Variants in EXTL3 observed in about 807,000 individuals in gnomAD.
EXTL3 encodes exostosin like glycosyltransferase 3.
EXTL3 carries 27 observed loss-of-function variants against 69.3 expected under a neutral mutation model. That is an observed-to-expected ratio of 0.39 (90% CI 0.29 to 0.54). The LOEUF is 0.54. Ranked by LOEUF, EXTL3 falls within the 20% of genes least tolerant of loss-of-function variation. The pLI, the probability that EXTL3 is intolerant of heterozygous loss-of-function variation, is 0.69. For missense variants in EXTL3, 1,003 were observed against 1,231.8 expected (o/e 0.81, Z 2.78); for synonymous variants, 511 against 499.4 (o/e 1.02, Z -0.31).
At chr8:28,672,930 TAG>T (rs1235243106) in intron 1 of EXTL3, among the ~76,000 whole-genome samples, 1 of 152,160 alleles carries the variant, frequency 6.6e-6, no homozygotes, top group Non-Finnish European at 1.5e-5. Context: ...GTTCTTGAGA[TAG>T]AGAGATCTGA....
intron 1 of EXTL3, chr8:28,710,208 T>G: frequency 3.2e-6 from 1 of 315,994 alleles, no homozygotes; most frequent in South Asian, 2.6e-5. Flanking sequence ...ATGTCTGTGT[T>G]GCTGACCACT....
At chr8:28,749,658 CATTCATTA>C (rs1364337653) in intron 6 of EXTL3, among the ~76,000 whole-genome samples, 6 of 135,774 alleles carry the variant, frequency 4.4e-5, no homozygotes, top group East Asian at 2.2e-4. Context: ...TTCATTCATT[CATTCATTA>C]TTCATTGTTT....
At chr8:28,673,554 A>G (rs1025640871) in intron 1 of EXTL3, among the ~76,000 whole-genome samples, 4 of 152,202 alleles carry the variant, frequency 2.6e-5, no homozygotes, top group Non-Finnish European at 5.9e-5. Flanking sequence ...AGACTTAATT[A>G]TACCATGAGC....
chr8:28,641,538 A>T (rs761602403), intron 1 of EXTL3, among the ~76,000 whole-genome samples: 1 of 151,490 alleles, frequency 6.6e-6, no homozygotes, highest in African/African-American at 2.4e-5. Context: ...GTGCAGTGGC[A>T]TAATCTCAGC....
At chr8:28,723,407 C>A (rs1461266874) in intron 3 of EXTL3, among the ~76,000 whole-genome samples, 1 of 152,078 alleles carries the variant, frequency 6.6e-6, no homozygotes, top group African/African-American at 2.4e-5. Flanking sequence ...AACAAGGCTA[C>A]CCCGAACCAA....
At chr8:28,622,633 G>A (rs1040365745), upstream of EXTL3, 1 of 150,472 alleles carries the variant, frequency 6.6e-6, no homozygotes, top group African/African-American at 2.4e-5. Flanking sequence ...GCGGAGCCGG[G>A]AGCCTCCCAG....
intron 1 of EXTL3, among the ~76,000 whole-genome samples, chr8:28,693,125 T>C (rs368943303): frequency 5.3e-5 from 8 of 152,068 alleles, no homozygotes; most frequent in African/African-American, 1.9e-4. Context: ...CATTACAGGT[T>C]AGGTGTCTTA....
intron 1 of EXTL3, chr8:28,678,121 G>A (rs240921): frequency 0.32 from 48,695 of 152,320 alleles, 7,865 homozygotes; most frequent in East Asian, 0.39. Context: ...CTGCTGCTGA[G>A]TGGAGGAGAG....
At chr8:28,708,926 G>A (rs1481076960) in intron 1 of EXTL3, among the ~76,000 whole-genome samples, 1 of 152,182 alleles carries the variant, frequency 6.6e-6, no homozygotes, top group East Asian at 1.9e-4. Context: ...TATAGTGTTG[G>A]TTTTGGGTTT....
intron 1 of EXTL3, among the ~76,000 whole-genome samples, chr8:28,628,953 C>T (rs1322846574): frequency 6.6e-6 from 1 of 152,150 alleles, no homozygotes; most frequent in Non-Finnish European, 1.5e-5. Context: ...TAGATTCCAG[C>T]CCAAGGAAAG....
intron 1 of EXTL3, among the ~76,000 whole-genome samples, chr8:28,627,730 TACAA>T (rs1806514604): frequency 1.3e-5 from 2 of 152,208 alleles, no homozygotes; most frequent in South Asian, 4.1e-4. Context: ...AATGTGTCAG[TACAA>T]ACAATGGAAT....
intron 3 of EXTL3, among the ~76,000 whole-genome samples, chr8:28,727,107 AACTCCTG>A (rs747489237): frequency 6.6e-6 from 1 of 151,880 alleles, no homozygotes; most frequent in Non-Finnish European, 1.5e-5. Context: ...GCTGGTCTTG[AACTCCTG>A]ACCTCAGGTG....
In EXTL3 at chr8:28,752,508, C is replaced by G. The variant is rs1337070186; in HGVS notation, c.*1642C>G. On this transcript the variant is annotated 3_prime_UTR_variant, in exon 7 of 7. Coordinates refer to ENST00000220562, the MANE Select transcript of EXTL3 (RefSeq NM_001440.4). ...CTGCCTGTACCACGTGGGTCCTCTT[C>G]AAGTACTGTTTTGAAGCTGGGCTCT... 1 of 152,708 alleles carries G rather than the reference C, an allele frequency of 6.5e-6. No homozygotes were observed. Among genetic ancestry groups the G allele is most frequent in the Non-Finnish European group, 1.5e-5 (1 of 68,100 alleles). 9.5% of individuals were successfully genotyped at this position (152,708 alleles called of 1,614,324 possible).
chr8:28,636,373 G>C (rs1250490199), intron 1 of EXTL3, among the ~76,000 whole-genome samples: 1 of 150,652 alleles, frequency 6.6e-6, no homozygotes, highest in Non-Finnish European at 1.5e-5. Context: ...CAGGAGACAA[G>C]ATCTTTCAAG....
chr8:28,666,580 CTTTT>C (rs763026939), intron 1 of EXTL3, among the ~76,000 whole-genome samples: 1 of 150,624 alleles, frequency 6.6e-6, no homozygotes, highest in Non-Finnish European at 1.5e-5. Context: ...TCTTTTCTTT[CTTTT>C]TTTTTATTTG....
intron 3 of EXTL3, among the ~76,000 whole-genome samples, chr8:28,721,290 T>C (rs1309108716): frequency 3.9e-5 from 6 of 152,228 alleles, no homozygotes; most frequent in African/African-American, 1.2e-4. Flanking sequence ...CAAGCATGCA[T>C]GGCTTAGGGG....
intron 5 of EXTL3, chr8:28,740,645 CCT>C (rs1801756336): frequency 6.6e-6 from 1 of 152,102 alleles, no homozygotes. Flanking sequence ...TTAGATTGGT[CCT>C]CTCTGATCAA....
At chr8:28,693,218 C>T (rs897946102) in intron 1 of EXTL3, among the ~76,000 whole-genome samples, 3 of 148,986 alleles carry the variant, frequency 2.0e-5, no homozygotes, top group South Asian at 2.1e-4. Context: ...GGCATAATCT[C>T]GGCTCACAGC....
intron 1 of EXTL3, among the ~76,000 whole-genome samples, chr8:28,682,782 AT>A (rs1163943222): frequency 6.6e-6 from 1 of 151,904 alleles, no homozygotes; most frequent in African/African-American, 2.4e-5. Context: ...CCATTTGTCT[AT>A]TTTTGCTTTT....
Sources: allele counts gnomAD v4.1 joint callset (sites outside exome capture counted in the v4.1 genomes callset), GRCh38; gene constraint gnomAD v4.1.1; transcripts MANE v1.5; gene names NCBI Gene and HGNC (gene_info 2026-07-23, HGNC 2026-07-21).